CCDC171: variants seen among roughly 807,000 people sequenced by gnomAD.
The protein encoded by CCDC171 is coiled-coil domain-containing protein 171.
A neutral mutation model predicts 168.2 loss-of-function variants in CCDC171; 177 were observed. That is an observed-to-expected ratio of 1.05 (90% CI 0.93 to 1.19). The LOEUF is 1.19. Ranked by LOEUF, CCDC171 falls within the 50% of genes most tolerant of loss-of-function variation. The pLI, the probability that CCDC171 is intolerant of heterozygous loss-of-function variation, is 0.00. For synonymous variants in CCDC171, 687 were observed against 540.8 expected (o/e 1.27, Z -3.75); for missense variants, 1,991 against 1,539.0 (o/e 1.29, Z -4.91).
chr9:15,592,330 A>G (rs1396128555), intron 5 of CCDC171, among the ~76,000 whole-genome samples: 1 of 151,838 alleles, frequency 6.6e-6, no homozygotes. Flanking sequence ...ATATAGTGAG[A>G]CCCTGTCTCC....
chr9:15,971,804 A>C lies in CCDC171; in HGVS notation c.3949A>C (p.Asn1317His). The change falls in exon 26 of 26, where the codon AAT becomes CAT. Residue 1317 changes from asparagine (N) to histidine (H), a missense_variant. Transcript: ENST00000380701. ...SHSSPVTMSA[N>H]ANRPTQIGL The stretch of plus-strand genomic sequence containing the variant: ...CTCCTCTCCAGTGACTATGTCTGCT[A>C]ATGCCAACAGACCAACTCAGATTGG... 1 of 1,613,782 alleles carries C rather than the reference A, an allele frequency of 6.2e-7. No homozygotes were observed.
At chr9:15,794,416 G>C (rs778538718) in intron 21 of CCDC171, among the ~76,000 whole-genome samples, 2 of 152,138 alleles carry the variant, frequency 1.3e-5, no homozygotes, top group African/African-American at 2.4e-5. Context: ...AGTGAGCCTA[G>C]ATGGTGCCAT....
intron 21 of CCDC171, among the ~76,000 whole-genome samples, chr9:15,823,662 T>G (rs1031247276): frequency 1.2e-4 from 18 of 152,124 alleles, no homozygotes; most frequent in African/African-American, 4.3e-4. Context: ...GCCAAATATA[T>G]TTGTAATGTT....
intron 10 of CCDC171, among the ~76,000 whole-genome samples, chr9:15,691,949 C>T (rs1298378398): frequency 6.6e-6 from 1 of 152,138 alleles, no homozygotes; most frequent in Non-Finnish European, 1.5e-5. Context: ...GCTGGGATTA[C>T]AAGAGTGAGC....
Position 15,724,943 on chromosome 9 carries a change from G to A in CCDC171, c.1659G>A (p.Gln553=). The A allele has an allele frequency of 6.2e-7, 1 of 1,613,940 alleles. No homozygotes were observed. Among genetic ancestry groups the A allele is most frequent in the Non-Finnish European group, 8.5e-7 (1 of 1,179,868 alleles). ...CAGCCCAGTCTGAAAGTGAACTGCA[G>A]AAGCTTTCCCAGGCTTTCCATAAGG... ...AQAAQSESEL[Q]KLSQAFHKDA... The change falls in exon 14 of 26, where the codon CAG becomes CAA. Residue 553 remains glutamine, a synonymous_variant. Coordinates refer to ENST00000380701, the MANE Select transcript of CCDC171 (RefSeq NM_173550.4).
At chr9:16,064,394 G>C (rs537569038), downstream of CCDC171, among the ~76,000 whole-genome samples, 8 of 152,082 alleles carry the variant, frequency 5.3e-5, no homozygotes, top group Non-Finnish European at 1.2e-4. Flanking sequence ...GGTGCAGATA[G>C]AGGTGTGGGG....
At chr9:16,075,581 A>G in the CCDC171 span, among the ~76,000 whole-genome samples, 4 of 152,150 alleles carry the variant, frequency 2.6e-5, no homozygotes, top group South Asian at 8.3e-4. Flanking sequence ...AATACTAACA[A>G]AGGAACTCAA....
At chr9:15,810,433 C>A (rs769981761) in intron 21 of CCDC171, among the ~76,000 whole-genome samples, 1 of 136,492 alleles carries the variant, frequency 7.3e-6, no homozygotes, top group African/African-American at 2.7e-5. Flanking sequence ...TGGGACCGGG[C>A]GCTGTGGAGC....
At position 15,676,871 on chromosome 9, in the gene CCDC171, C is replaced by G. The variant is rs115753930; in HGVS notation, c.1077-1887C>G. On this transcript the variant is annotated intron_variant, in intron 9 of 25. Transcript: ENST00000380701. The stretch of plus-strand genomic sequence containing the variant: ...CACGTTTTCCTCTGGAAACTTAACA[C>G]AGAGTGGCCATCAAGTCTGGAATCT... Among the ~76,000 whole-genome samples the G allele has an allele frequency of 5.5e-3, 840 of 152,234 alleles. 9 individuals carry two copies. Among genetic ancestry groups the G allele is most frequent in the African/African-American group, 0.018 (763 of 41,536 alleles).
At chr9:16,018,654 C>T (rs989849231) in intron 3 of CCDC171, among the ~76,000 whole-genome samples, 5 of 152,194 alleles carry the variant, frequency 3.3e-5, no homozygotes, top group Non-Finnish European at 5.9e-5. Flanking sequence ...TCACTGATTA[C>T]GTAGAATATA....
At chr9:15,930,911 C>T (rs925354677) in intron 25 of CCDC171, among the ~76,000 whole-genome samples, 1 of 151,590 alleles carries the variant, frequency 6.6e-6, no homozygotes, top group African/African-American at 2.4e-5. Flanking sequence ...ATGATCCAGT[C>T]AGGGTAGTTA....
At chr9:15,788,763 T>G (rs749310575) in intron 21 of CCDC171, among the ~76,000 whole-genome samples, 1 of 152,102 alleles carries the variant, frequency 6.6e-6, no homozygotes, top group East Asian at 1.9e-4. Flanking sequence ...TGTTGCCCAG[T>G]CCTGGTCTCA....
At chr9:15,931,241 C>T (rs1395075047) in intron 25 of CCDC171, among the ~76,000 whole-genome samples, 4 of 151,704 alleles carry the variant, frequency 2.6e-5, no homozygotes, top group Non-Finnish European at 2.9e-5. Context: ...CACATCCTTA[C>T]CAACATTTGT....
intron 23 of CCDC171, among the ~76,000 whole-genome samples, chr9:15,852,902 T>A (rs1044208675): frequency 9.9e-5 from 15 of 151,692 alleles, no homozygotes; most frequent in African/African-American, 3.6e-4. Context: ...ACTATAGATG[T>A]ATAGGTTTAT....
At chr9:16,030,360 A>T (rs1210483370) in intron 6 of CCDC171, among the ~76,000 whole-genome samples, 1 of 152,200 alleles carries the variant, frequency 6.6e-6, no homozygotes, top group East Asian at 1.9e-4. Flanking sequence ...GAATAGATAA[A>T]TGTACAGATT....
intron 23 of CCDC171, among the ~76,000 whole-genome samples, chr9:15,855,361 G>A (rs936145363): frequency 1.9e-4 from 29 of 151,682 alleles, no homozygotes; most frequent in East Asian, 3.9e-4. Context: ...TAGTGTAGGC[G>A]CTCCAGCTCT....
At chr9:16,050,462 C>T (rs1833732939) in intron 1 of CCDC171, among the ~76,000 whole-genome samples, 1 of 151,678 alleles carries the variant, frequency 6.6e-6, no homozygotes, top group African/African-American at 2.4e-5. Flanking sequence ...TGCAGATGAA[C>T]AATACAAGAA....
intron 6 of CCDC171, among the ~76,000 whole-genome samples, chr9:15,617,592 A>G (rs201687222): frequency 1.3e-5 from 2 of 151,902 alleles, no homozygotes; most frequent in Non-Finnish European, 2.9e-5. Context: ...TAGCCAGGAT[A>G]GTCTTGATGT....
intron 16 of CCDC171, among the ~76,000 whole-genome samples, chr9:15,740,041 A>C (rs2054755464): frequency 1.3e-5 from 2 of 151,848 alleles, no homozygotes; most frequent in Non-Finnish European, 2.9e-5. Context: ...CTGGCCCTCC[A>C]ATGTGTTTTT....
Sources: allele counts gnomAD v4.1 joint callset (sites outside exome capture counted in the v4.1 genomes callset), GRCh38; gene constraint gnomAD v4.1.1; transcripts MANE v1.5; gene names NCBI Gene and HGNC (gene_info 2026-07-23, HGNC 2026-07-21).